Variants in PRSS23 observed in about 807,000 individuals in gnomAD.
The protein encoded by PRSS23 is serine protease 23.
Under a neutral mutation model 34.7 loss-of-function variants are expected in PRSS23, and 25 were observed. That is an observed-to-expected ratio of 0.72 (90% CI 0.53 to 1.01). The LOEUF is 1.01. Among genes scored for constraint, PRSS23 ranks in the 50% least tolerant of loss-of-function variants. PRSS23 has a pLI of 0.00. For missense variants in PRSS23, 445 were observed against 475.6 expected (o/e 0.94, Z 0.60); for synonymous variants, 176 against 186.6 (o/e 0.94, Z 0.46).
At chr11:86,804,231 T>G (rs1257765178) in intron 1 of PRSS23, among the ~76,000 whole-genome samples, 1 of 152,202 alleles carries the variant, frequency 6.6e-6, no homozygotes, top group East Asian at 1.9e-4. Flanking sequence ...ATTTAAGGGC[T>G]TGAGAACCCA....
At chr11:86,818,949 T>C (rs928075784) in intron 1 of PRSS23, among the ~76,000 whole-genome samples, 1 of 152,190 alleles carries the variant, frequency 6.6e-6, no homozygotes, top group Non-Finnish European at 1.5e-5. Context: ...CTTACTTTCT[T>C]CCCTCTGTTA....
At chr11:86,833,027 G>T in intron 2 of PRSS23, 1 of 450,712 alleles carries the variant, frequency 2.2e-6, no homozygotes, top group Non-Finnish European at 4.1e-6. Flanking sequence ...ACAAAACTAG[G>T]AAGCCACAGA....
In PRSS23 at chr11:86,834,148, T is replaced by C. The variant is rs1440317041; in HGVS notation, c.206+10555T>C. Among the ~76,000 whole-genome samples, 6 of 152,228 alleles carry C rather than the reference T, an allele frequency of 3.9e-5. No individual in the cohort carries two copies. The South Asian group carries it at 1.0e-3, about 26-fold the overall frequency. ...GCAGGGGATTATTTCTTTGGCACACTTCACAGGCCCTGACCATCTGCTTAA... is the reference window on the plus strand; with the variant it reads ...GCAGGGGATTATTTCTTTGGCACACCTCACAGGCCCTGACCATCTGCTTAA... On this transcript the variant is annotated intron_variant, in intron 2 of 2. Coordinates refer to the PRSS23 transcript ENST00000533902.
chr11:86,858,151 TG>T (rs1031887878), intron 2 of PRSS23, among the ~76,000 whole-genome samples: 2 of 151,886 alleles, frequency 1.3e-5, no homozygotes, highest in Non-Finnish European at 2.9e-5. Context: ...TAATATCCAG[TG>T]GGGGAGAGAA....
At chr11:86,860,742 C>T (rs1948607197) in intron 2 of PRSS23, among the ~76,000 whole-genome samples, 1 of 151,734 alleles carries the variant, frequency 6.6e-6, no homozygotes, top group African/African-American at 2.4e-5. Flanking sequence ...GTGGTTTGAC[C>T]CCCCTTGTGA....
chr11:86,841,339 CA>C (rs58223921), intron 2 of PRSS23, among the ~76,000 whole-genome samples: 22 of 103,682 alleles, frequency 2.1e-4, no homozygotes, highest in African/African-American at 4.2e-4. Flanking sequence ...AACTCCATCT[CA>C]AAAAAAAAAA....
intron 2 of PRSS23, among the ~76,000 whole-genome samples, chr11:86,885,273 G>A (rs1016778678): frequency 4.6e-5 from 7 of 152,160 alleles, no homozygotes; most frequent in Admixed American, 1.3e-4. Flanking sequence ...GGAAAGCACA[G>A]AAACCTGAAG....
At chr11:86,862,036 CTTGTGG>C (rs1427870242) in intron 2 of PRSS23, among the ~76,000 whole-genome samples, 1 of 151,586 alleles carries the variant, frequency 6.6e-6, no homozygotes, top group Admixed American at 6.6e-5. Flanking sequence ...TGTACACCCC[CTTGTGG>C]TATTGTTTGT....
intron 2 of PRSS23, among the ~76,000 whole-genome samples, chr11:86,941,371 G>A (rs1305032481): frequency 6.6e-6 from 1 of 152,210 alleles, no homozygotes; most frequent in African/African-American, 2.4e-5. Flanking sequence ...GAGGCACGTA[G>A]TGTGCTGCAG....
At chr11:86,887,415 A>AAC (rs1273981731) in intron 2 of PRSS23, among the ~76,000 whole-genome samples, 1 of 35,588 alleles carries the variant, frequency 2.8e-5, no homozygotes, top group African/African-American at 1.0e-4. Flanking sequence ...AAACAAAACA[A>AAC]AAAAAAAAAA....
rs527840029 is a variant in PRSS23, at chr11:86,910,571, T to C, written c.207-40645T>C. On this transcript the variant is annotated intron_variant, in intron 2 of 2. Transcript: ENST00000533902. ...GTGCAAAGTATTTATATCCTTAACA[T>C]TTGCTACTCAAAGGTAATTTCTAAA... 341 of 152,310 alleles carry C rather than the reference T, an allele frequency of 2.2e-3. 2 individuals are homozygous for C. The highest frequency in any genetic ancestry group is 8.1e-3 in the African/African-American group (338 of 41,580). 9.4% of individuals were successfully genotyped at this position (152,310 alleles called of 1,614,324 possible).
intron 2 of PRSS23, among the ~76,000 whole-genome samples, chr11:86,868,939 G>C (rs1256334663): frequency 1.3e-5 from 2 of 152,120 alleles, no homozygotes; most frequent in African/African-American, 4.8e-5. Context: ...AGCCTTCTGA[G>C]TAGCTGGGAC....
chr11:86,819,397 A>C (rs573076604), intron 1 of PRSS23, among the ~76,000 whole-genome samples: 8 of 152,252 alleles, frequency 5.3e-5, no homozygotes, highest in African/African-American at 1.9e-4. Flanking sequence ...TTTTTTAGAG[A>C]GAGAACACCT....
intron 2 of PRSS23, among the ~76,000 whole-genome samples, chr11:86,869,231 T>A (rs1318128048): frequency 1.3e-5 from 2 of 152,148 alleles, no homozygotes; most frequent in Non-Finnish European, 2.9e-5. Context: ...TCGTTTGGAA[T>A]GTAGTCAGTA....
intron 2 of PRSS23, among the ~76,000 whole-genome samples, chr11:86,850,459 G>T (rs543325056): frequency 7.9e-5 from 12 of 152,162 alleles, no homozygotes; most frequent in South Asian, 2.1e-4. Context: ...TTGAGTAGGG[G>T]CTCAGAAAGC....
chr11:86,932,232 G>A (rs1949130988), intron 2 of PRSS23, among the ~76,000 whole-genome samples: 1 of 152,268 alleles, frequency 6.6e-6, no homozygotes, highest in African/African-American at 2.4e-5. Context: ...GCAGGGGAGG[G>A]GCAGGAGCTG....
At chr11:86,804,202 C>A (rs752004707) in intron 1 of PRSS23, among the ~76,000 whole-genome samples, 1 of 152,256 alleles carries the variant, frequency 6.6e-6, no homozygotes, top group East Asian at 1.9e-4. Context: ...AGCTTTAATA[C>A]AGACATCAGT....
In PRSS23 at chr11:86,848,835, A is replaced by T. The variant is rs537213997; in HGVS notation, c.206+25242A>T. ...CCTTAGTCTTGGCTCTCAGACAGGC[A>T]GACCTTGGTGGCTCAGAGGGAACCA... is the stretch of plus-strand genomic sequence containing the variant. On this transcript the variant is annotated intron_variant, in intron 2 of 2. Coordinates refer to the PRSS23 transcript ENST00000533902. Among the ~76,000 whole-genome samples the T allele has an allele frequency of 1.8e-4, 28 of 152,346 alleles. No homozygotes were observed. The South Asian group carries it at 5.6e-3, about 30-fold the overall frequency.
intron 2 of PRSS23, among the ~76,000 whole-genome samples, chr11:86,918,912 A>G (rs1377370234): frequency 2.0e-5 from 3 of 152,226 alleles, no homozygotes; most frequent in Non-Finnish European, 4.4e-5. Flanking sequence ...GAACTAAGAA[A>G]GAGGCTCCAG....
Sources: allele counts gnomAD v4.1 joint callset (sites outside exome capture counted in the v4.1 genomes callset), GRCh38; gene constraint gnomAD v4.1.1; transcripts MANE v1.5; gene names NCBI Gene and HGNC (gene_info 2026-07-23, HGNC 2026-07-21).